The following ST18 variants were observed in gnomAD, a reference collection of about 807,000 sequenced individuals.
ST18 encodes the protein ST18 C2H2C-type zinc finger transcription factor.
ST18 carries 50 observed loss-of-function variants against 110.0 expected under a neutral mutation model. The observed-to-expected ratio is 0.45, with a 90% confidence interval of 0.36 to 0.58. The LOEUF (loss-of-function observed/expected upper bound fraction) is 0.58. ST18 is among the 20% of genes least tolerant of loss of function. ST18 has a pLI of 0.00. For missense variants in ST18, 1,306 were observed against 1,280.1 expected (o/e 1.02, Z -0.31); for synonymous variants, 461 against 452.4 (o/e 1.02, Z -0.24).
At chr8:52,240,777 T>C (rs1336779362) in intron 2 of ST18, among the ~76,000 whole-genome samples, 1 of 152,202 alleles carries the variant, frequency 6.6e-6, no homozygotes, top group Non-Finnish European at 1.5e-5. Flanking sequence ...TGGTGCAGGA[T>C]TTTCAGAGCA....
rs1270173163 is a variant in ST18, at chr8:52,379,099, TTTC to T, written c.-465+30226_-465+30228del. On this transcript the variant is annotated intron_variant, in intron 2 of 25. Coordinates refer to ENST00000689386, the MANE Select transcript of ST18 (RefSeq NM_001352837.2). ...TTAAGAATAAAATCTATTTCTTTTCTTTCTTTTTTTTTTTTTTGAGACAGGGTC... is the reference window on the plus strand; with the variant it reads ...TTAAGAATAAAATCTATTTCTTTTCTTTTTTTTTTTTTTTGAGACAGGGTC... Among the ~76,000 whole-genome samples, 10 of 12,208 alleles carry T rather than the reference TTTC, an allele frequency of 8.2e-4. No individual in the cohort carries two copies. The Non-Finnish European group carries it at 0.029, about 35-fold the overall frequency. The allele number at this position is 12,208 out of a possible 152,430, so 8.0% of individuals were successfully genotyped here. A position where few individuals can be genotyped will look rare whatever the true frequency, so the allele number is the denominator to read the frequency against.
At chr8:52,250,469 A>AAAAAAAAAAAC (rs2094207766) in intron 2 of ST18, among the ~76,000 whole-genome samples, 1 of 150,068 alleles carries the variant, frequency 6.7e-6, no homozygotes, top group African/African-American at 2.4e-5. Context: ...AAAAAAAAAA[A>AAAAAAAAAAAC]AAAAAAAAGA....
At chr8:52,136,831 A>C (rs548359712) in intron 18 of ST18, among the ~76,000 whole-genome samples, 173 bp from the exon 19 acceptor site, 2 of 152,280 alleles carry the variant, frequency 1.3e-5, no homozygotes, top group East Asian at 3.9e-4. Context: ...GGCTGGTGGC[A>C]CTTCAACTAT....
chr8:52,159,360 G>A (rs2060829752), intron 14 of ST18, among the ~76,000 whole-genome samples: 1 of 151,998 alleles, frequency 6.6e-6, no homozygotes, highest in African/African-American at 2.4e-5. Flanking sequence ...CGCTTCTTAT[G>A]ACAAAAACTC....
At chr8:52,125,198 T>C (rs895100193) in intron 23 of ST18, among the ~76,000 whole-genome samples, 1 of 152,052 alleles carries the variant, frequency 6.6e-6, no homozygotes, top group African/African-American at 2.4e-5. Flanking sequence ...GGAGAGGGGA[T>C]TGACACTAAG....
At position 52,208,612 on chromosome 8, in the gene ST18, G is replaced by A. The variant is rs563267593; in HGVS notation, c.86+3467C>T. 3.9e-5 allele frequency among the ~76,000 whole-genome samples: 6 copies of A among 152,270 alleles called. No individual in the cohort carries two copies. In the South Asian group the frequency reaches 1.0e-3, roughly 26 times the overall value. The stretch of plus-strand genomic sequence containing the variant: ...GAGGCCGAGGCGGGAGGATCACGAG[G>A]TCAGGAGATTGAGACCATCCTGGCT... On this transcript the variant is annotated intron_variant, in intron 8 of 25. Coordinates refer to ENST00000689386, the MANE Select transcript of ST18 (RefSeq NM_001352837.2).
intron 22 of ST18, among the ~76,000 whole-genome samples, chr8:52,129,003 G>A (rs888040478): frequency 6.6e-6 from 1 of 152,042 alleles, no homozygotes; most frequent in African/African-American, 2.4e-5. Flanking sequence ...TTCAAAATAT[G>A]TAACATATAA....
intron 2 of ST18, among the ~76,000 whole-genome samples, chr8:52,295,909 G>C (rs545098062): frequency 6.6e-6 from 1 of 152,114 alleles, no homozygotes; most frequent in African/African-American, 2.4e-5. Flanking sequence ...CTTCCGCAGA[G>C]TTCGAGGGAG....
chr8:52,173,818 G>A (rs1180694300), intron 9 of ST18, among the ~76,000 whole-genome samples: 1 of 152,214 alleles, frequency 6.6e-6, no homozygotes, highest in Non-Finnish European at 1.5e-5. Context: ...AACATCTTTG[G>A]AGGGAAGAAA....
intron 2 of ST18, among the ~76,000 whole-genome samples, chr8:52,298,242 G>T (rs892179798): frequency 6.6e-6 from 1 of 152,222 alleles, no homozygotes; most frequent in Admixed American, 6.5e-5. Flanking sequence ...TGCCAGAAAG[G>T]CTGAGAGAAA....
chr8:52,132,920 A>G (rs1467011052), intron 21 of ST18, 137 bp downstream of exon 21: 1 of 937,676 alleles, frequency 1.1e-6, no homozygotes, highest in East Asian at 2.4e-5. Flanking sequence ...ACCACCAAAT[A>G]GTTTGACTCT....
chr8:52,226,965 T>C (rs1367201534), intron 3 of ST18, among the ~76,000 whole-genome samples: 4 of 152,234 alleles, frequency 2.6e-5, no homozygotes, highest in African/African-American at 9.6e-5. Context: ...ACAGTGACTA[T>C]TTGTTTTTCA....
At chr8:52,341,962 G>T (rs1292133994) in intron 2 of ST18, among the ~76,000 whole-genome samples, 1 of 152,210 alleles carries the variant, frequency 6.6e-6, no homozygotes, top group Non-Finnish European at 1.5e-5. Context: ...TTGGGGAGAT[G>T]CTGGTCAAAG....
At chr8:52,232,927 A>G (rs2091815925) in intron 2 of ST18, among the ~76,000 whole-genome samples, 1 of 152,010 alleles carries the variant, frequency 6.6e-6, no homozygotes, top group Non-Finnish European at 1.5e-5. Context: ...CTTATCAACT[A>G]GTTCTCCAGT....
chr8:52,395,020 G>A (rs1054878544), intron 2 of ST18, among the ~76,000 whole-genome samples: 8 of 152,174 alleles, frequency 5.3e-5, no homozygotes, highest in South Asian at 4.1e-4. Context: ...CAAGGAGGCC[G>A]GAAAGTCTAT....
intron 2 of ST18, among the ~76,000 whole-genome samples, chr8:52,376,884 T>C (rs997409303): frequency 6.6e-6 from 1 of 152,228 alleles, no homozygotes; most frequent in Admixed American, 6.5e-5. Flanking sequence ...GCTCAGTCAA[T>C]TTGGACTTTG....
intron 15 of ST18, chr8:52,154,864 G>A (rs1297024584): frequency 6.8e-6 from 1 of 148,104 alleles, no homozygotes; most frequent in African/African-American, 2.5e-5. Flanking sequence ...CTAGGTGACA[G>A]AGCAGATCCT....
At chr8:52,256,008 C>T (rs1415718334) in intron 2 of ST18, among the ~76,000 whole-genome samples, 1 of 152,210 alleles carries the variant, frequency 6.6e-6, no homozygotes, top group African/African-American at 2.4e-5. Context: ...GAGTTCATTC[C>T]TTCCAAGGAA....
chr8:52,282,505 G>A lies in ST18; in HGVS notation c.-464-52428C>T, dbSNP rs557900932. ...GGACCTCTGAGGGCCTTTGAGAAAC[G>A]CACTAAGGATAGCCCCACCAGGGGT... On this transcript the variant is annotated intron_variant, in intron 2 of 25. Coordinates refer to ENST00000689386, the MANE Select transcript of ST18 (RefSeq NM_001352837.2). Among the ~76,000 whole-genome samples the A allele has an allele frequency of 5.3e-5, 8 of 152,268 alleles. No homozygotes were observed. In the South Asian group the frequency reaches 6.2e-4, roughly 12 times the overall value.
Sources: allele counts gnomAD v4.1 joint callset (sites outside exome capture counted in the v4.1 genomes callset), GRCh38; gene constraint gnomAD v4.1.1; transcripts MANE v1.5; gene names NCBI Gene and HGNC (gene_info 2026-07-23, HGNC 2026-07-21).